EPHA5: variants seen among roughly 807,000 people sequenced by gnomAD.
EPHA5 encodes EPH receptor A5.
Under a neutral mutation model 105.0 loss-of-function variants are expected in EPHA5, and 60 were observed. The ratio of observed to expected loss-of-function variants is 0.57; its 90% CI spans 0.46 to 0.71. The LOEUF (loss-of-function observed/expected upper bound fraction) is 0.71. Among genes scored for constraint, EPHA5 ranks in the 30% least tolerant of loss-of-function variants. EPHA5 has a pLI of 0.00. For synonymous variants in EPHA5, 513 were observed against 449.1 expected, an observed-to-expected ratio of 1.14 and a Z score of -1.80; for missense variants, 1,218 against 1,274.7, an observed-to-expected ratio of 0.96 and a Z score of 0.68.
At chr4:65,526,529 T>C (rs1025929567) in intron 3 of EPHA5, among the ~76,000 whole-genome samples, 6 of 152,014 alleles carry the variant, frequency 3.9e-5, no homozygotes, top group African/African-American at 7.2e-5. Flanking sequence ...TTTTATCAGA[T>C]ATTTTTTATT....
rs1407815144 is a variant in EPHA5 at position 65,549,602 on chromosome 4, G to C, written c.910+52039C>G. 2.6e-5 allele frequency among the ~76,000 whole-genome samples: 4 copies of C among 152,080 alleles called. No individual in the cohort carries two copies. The East Asian group carries it at 7.7e-4, about 29-fold the overall frequency. ...AACAAATAACATTTTTAATATGAAA[G>C]GGATGCATGCTATAATTTGTAGGGC... On this transcript the variant is annotated intron_variant, in intron 3 of 16. Transcript: ENST00000613740.
intron 2 of EPHA5, among the ~76,000 whole-genome samples, chr4:65,635,339 A>T (rs1257337466): frequency 6.6e-6 from 1 of 152,176 alleles, no homozygotes; most frequent in East Asian, 1.9e-4. Flanking sequence ...TGAAAAAATG[A>T]TTATGAATGA....
At chr4:65,651,355 T>A (rs180914851) in intron 1 of EPHA5, among the ~76,000 whole-genome samples, 1 of 152,160 alleles carries the variant, frequency 6.6e-6, no homozygotes, top group Non-Finnish European at 1.5e-5. Flanking sequence ...AGTAGGGAAG[T>A]TATTTGCTGT....
intron 3 of EPHA5, among the ~76,000 whole-genome samples, chr4:65,523,459 C>T (rs902273172): frequency 3.3e-5 from 5 of 151,902 alleles, no homozygotes; most frequent in East Asian, 1.9e-4. Flanking sequence ...TATCAGCCAT[C>T]GTAAACTCAA....
chr4:65,440,499 T>TACACACACACACACACACAC (rs71657410), intron 5 of EPHA5, among the ~76,000 whole-genome samples: 47 of 143,432 alleles, frequency 3.3e-4, no homozygotes, highest in African/African-American at 9.0e-4. Context: ...TCCTAAATCT[T>TACACACACACACACACACAC]ACACACACAC....
chr4:65,467,613 C>A (rs978137596), intron 5 of EPHA5, among the ~76,000 whole-genome samples: 1 of 152,286 alleles, frequency 6.6e-6, no homozygotes, highest in Non-Finnish European at 1.5e-5. Context: ...GTGTGCTGAT[C>A]TTCAGATGCC....
intron 2 of EPHA5, among the ~76,000 whole-genome samples, chr4:65,606,332 T>C (rs1744225443): frequency 6.6e-6 from 1 of 152,162 alleles, no homozygotes; most frequent in African/African-American, 2.4e-5. Flanking sequence ...ATCAAACATA[T>C]ACATATAACT....
intron 16 of EPHA5, among the ~76,000 whole-genome samples, chr4:65,329,163 C>A (rs529581738): frequency 6.2e-4 from 94 of 151,436 alleles, no homozygotes; most frequent in Non-Finnish European, 1.1e-3. Context: ...TTGACAATAA[C>A]CCACTGCACT....
rs1442520488 is a variant in EPHA5, at chr4:65,323,297, A to G, written c.*817T>C. 2 of 229,534 alleles carry G rather than the reference A, an allele frequency of 8.7e-6. No homozygotes were observed. Among genetic ancestry groups the G allele is most frequent in the Non-Finnish European group, 1.7e-5 (2 of 115,778 alleles). The allele number at this position is 229,534 out of a possible 1,614,324, so 14.2% of individuals were successfully genotyped here. On this transcript the variant is annotated 3_prime_UTR_variant, in exon 17 of 17. Coordinates refer to ENST00000613740, the MANE Select transcript of EPHA5 (RefSeq NM_001281766.3). ...TCCCTATTTCTCCTATTCATATTAC[A>G]TTCTGGAACACTTGCTCCTATATGT...
At chr4:65,324,676 T>C (rs1719904954) in intron 16 of EPHA5, among the ~76,000 whole-genome samples, 1 of 151,002 alleles carries the variant, frequency 6.6e-6, no homozygotes, top group Admixed American at 6.6e-5. Context: ...TTCTATACAG[T>C]AATTTTATAT....
chr4:65,614,307 C>T (rs550725344), intron 2 of EPHA5, among the ~76,000 whole-genome samples: 2 of 151,840 alleles, frequency 1.3e-5, no homozygotes, highest in African/African-American at 4.8e-5. Context: ...CCAATGTATT[C>T]TCATAACAGA....
At chr4:65,417,115 C>T (rs1254810707) in intron 6 of EPHA5, among the ~76,000 whole-genome samples, 1 of 152,230 alleles carries the variant, frequency 6.6e-6, no homozygotes, top group African/African-American at 2.4e-5. Context: ...CAAGGGGCAG[C>T]TTCCCTTTGC....
chr4:65,411,365 G>A (rs541909282), intron 7 of EPHA5, among the ~76,000 whole-genome samples: 4 of 151,988 alleles, frequency 2.6e-5, no homozygotes, highest in South Asian at 4.1e-4. Context: ...GACAAATGAC[G>A]GAAATGTAAT....
intron 3 of EPHA5, among the ~76,000 whole-genome samples, chr4:65,512,007 T>A (rs1354200161): frequency 6.6e-6 from 1 of 152,174 alleles, no homozygotes; most frequent in Non-Finnish European, 1.5e-5. Context: ...GGGCTAGGCA[T>A]GTGCTATTCA....
At chr4:65,607,835 T>C (rs546981261) in intron 2 of EPHA5, among the ~76,000 whole-genome samples, 1 of 152,324 alleles carries the variant, frequency 6.6e-6, no homozygotes, top group Admixed American at 6.5e-5. Context: ...TTACTGGGTA[T>C]ATATCCAAAG....
intron 3 of EPHA5, among the ~76,000 whole-genome samples, chr4:65,508,015 G>A (rs939650153): frequency 1.3e-4 from 19 of 151,836 alleles, no homozygotes; most frequent in African/African-American, 4.4e-4. Flanking sequence ...CTTTTACTTT[G>A]TTTCATATAA....
chr4:65,335,300 T>C (rs1028553931), intron 15 of EPHA5, among the ~76,000 whole-genome samples: 15 of 152,040 alleles, frequency 9.9e-5, no homozygotes, highest in African/African-American at 3.4e-4. Flanking sequence ...TTTACAAATA[T>C]GAAACATTAT....
chr4:65,458,348 C>A (rs1727810439), intron 5 of EPHA5, among the ~76,000 whole-genome samples: 1 of 152,082 alleles, frequency 6.6e-6, no homozygotes, highest in African/African-American at 2.4e-5. Context: ...AACATATCAT[C>A]CCTTATACAG....
chr4:65,372,895 T>C (rs1718627498), intron 8 of EPHA5, among the ~76,000 whole-genome samples: 1 of 151,900 alleles, frequency 6.6e-6, no homozygotes, highest in Admixed American at 6.6e-5. Context: ...CTTCAAATCC[T>C]TTTAGAATAG....
Sources: gnomAD v4.1 joint callset for allele counts (sites outside exome capture counted in the v4.1 genomes callset) on GRCh38, gnomAD v4.1.1 for gene constraint, MANE v1.5 for transcripts, NCBI Gene and HGNC (gene_info 2026-07-23, HGNC 2026-07-21) for gene names.